Variants in PALLD observed in about 807,000 individuals in gnomAD.
PALLD encodes palladin, cytoskeletal associated protein, also known as palladin.
A neutral mutation model predicts 123.5 loss-of-function variants in PALLD; 61 were observed. The ratio of observed to expected loss-of-function variants is 0.49; its 90% CI spans 0.40 to 0.61. The LOEUF is 0.61. Among genes scored for constraint, PALLD ranks in the 20% least tolerant of loss-of-function variants. PALLD has a pLI of 0.00. For missense variants in PALLD, 1,273 were observed against 1,377.0 expected, an observed-to-expected ratio of 0.92 and a Z score of 1.20; for synonymous variants, 465 against 496.4, an observed-to-expected ratio of 0.94 and a Z score of 0.84.
intron 2 of PALLD, among the ~76,000 whole-genome samples, chr4:168,605,116 G>A (rs1258056698): frequency 1.3e-5 from 2 of 152,112 alleles, no homozygotes; most frequent in East Asian, 3.9e-4. Context: ...AGCTCCAAAT[G>A]TGATGTTTCT....
At position 168,543,058 on chromosome 4, in the gene PALLD, A is replaced by C. The variant is rs563118643; in HGVS notation, c.908+30646A>C. 1.2e-4 allele frequency among the ~76,000 whole-genome samples: 18 copies of C among 152,052 alleles called. No individual in the cohort carries two copies. In the East Asian group the frequency reaches 3.1e-3, roughly 26 times the overall value. ...ATGGACCTTAAATCCTCATGAGCTG[A>C]TACTGTCTCGTCTACTTTATGAGAA... On this transcript the variant is annotated intron_variant, in intron 2 of 21. Coordinates refer to ENST00000505667, the MANE Select transcript of PALLD (RefSeq NM_001166108.2).
chr4:168,784,351 G>GAAAGA (rs566001092), intron 10 of PALLD, among the ~76,000 whole-genome samples: 9 of 151,922 alleles, frequency 5.9e-5, no homozygotes, highest in South Asian at 2.1e-4. Flanking sequence ...GAGAGAGAGA[G>GAAAGA]AAAGAAAAGA....
At chr4:168,499,796 A>G (rs1761207009) in intron 1 of PALLD, among the ~76,000 whole-genome samples, 1 of 152,190 alleles carries the variant, frequency 6.6e-6, no homozygotes, top group Admixed American at 6.5e-5. Context: ...TGGACTCTCT[A>G]AAGAATCTGC....
At chr4:168,535,993 G>A (rs965005510) in intron 2 of PALLD, among the ~76,000 whole-genome samples, 3 of 152,198 alleles carry the variant, frequency 2.0e-5, no homozygotes, top group African/African-American at 7.2e-5. Context: ...GCCGGTTAGA[G>A]ACTTCACTGA....
intron 2 of PALLD, among the ~76,000 whole-genome samples, chr4:168,606,663 C>CAAAAAA (rs70961540): frequency 1.1e-5 from 1 of 92,100 alleles, no homozygotes; most frequent in Non-Finnish European, 2.2e-5. Context: ...GACTCCGTCT[C>CAAAAAA]AAAAAAAAAA....
intron 10 of PALLD, among the ~76,000 whole-genome samples, chr4:168,721,176 A>G (rs1233980744): frequency 6.6e-6 from 1 of 152,254 alleles, no homozygotes; most frequent in African/African-American, 2.4e-5. Context: ...GAAGGAATAC[A>G]TGATGATAAC....
chr4:168,647,004 A>C (rs534593467), intron 2 of PALLD, among the ~76,000 whole-genome samples: 3 of 152,358 alleles, frequency 2.0e-5, no homozygotes, highest in African/African-American at 7.2e-5. Context: ...ATATTATAAA[A>C]ACATGGCCTA....
chr4:168,722,486 A>G (rs1407077815), intron 10 of PALLD, among the ~76,000 whole-genome samples: 2 of 152,236 alleles, frequency 1.3e-5, no homozygotes, highest in Admixed American at 6.5e-5. Flanking sequence ...TAAGATTCCA[A>G]TTCAAATAAC....
chr4:168,638,833 G>A (rs565872171), intron 2 of PALLD, among the ~76,000 whole-genome samples: 5 of 151,942 alleles, frequency 3.3e-5, no homozygotes, highest in South Asian at 4.2e-4. Context: ...GAGGGGGGGC[G>A]GGCCATAAAC....
chr4:168,575,117 C>T (rs1017506369), intron 2 of PALLD, among the ~76,000 whole-genome samples: 9 of 152,084 alleles, frequency 5.9e-5, no homozygotes, highest in Non-Finnish European at 1.2e-4. Flanking sequence ...GAATCTGATT[C>T]GCTACAGCAA....
At chr4:168,796,468 T>A (rs1006753631) in intron 10 of PALLD, among the ~76,000 whole-genome samples, 5 of 152,216 alleles carry the variant, frequency 3.3e-5, no homozygotes, top group Non-Finnish European at 7.3e-5. Flanking sequence ...TCATCATGCA[T>A]TATTTGCACG....
Position 168,928,411 on chromosome 4 carries a change from C to CAAAT in PALLD, c.*2234_*2237dup, listed in dbSNP as rs1762827605. 1 of 180,140 alleles carries CAAAT rather than the reference C, an allele frequency of 5.6e-6. No homozygotes were observed. Among genetic ancestry groups the CAAAT allele is most frequent in the Non-Finnish European group, 1.2e-5 (1 of 84,010 alleles). The allele number at this position is 180,140 out of a possible 1,614,324, so 11.2% of individuals were successfully genotyped here. A position where few individuals can be genotyped will look rare whatever the true frequency, so the allele number is the denominator to read the frequency against. On this transcript the variant is annotated 3_prime_UTR_variant, in exon 22 of 22. Transcript: ENST00000505667. ...GGATTTAACATCAATAAATATTTGA[C>CAAAT]AAATAATAGTTGCAGTTTTGTGAAG...
chr4:168,830,979 CCATT>C (rs370735550), intron 10 of PALLD, among the ~76,000 whole-genome samples: 8 of 152,204 alleles, frequency 5.3e-5, no homozygotes, highest in Non-Finnish European at 8.8e-5. Context: ...GTAGATATTA[CCATT>C]CATTCATTCA....
chr4:168,697,662 G>A (rs1245211321), intron 8 of PALLD, among the ~76,000 whole-genome samples: 1 of 152,200 alleles, frequency 6.6e-6, no homozygotes, highest in Admixed American at 6.5e-5. Context: ...GCTTTGGTCA[G>A]TCCTGACATC....
At chr4:168,697,820 G>A (rs1341128100) in intron 8 of PALLD, among the ~76,000 whole-genome samples, 4 of 152,174 alleles carry the variant, frequency 2.6e-5, no homozygotes, top group African/African-American at 9.7e-5. Context: ...TGGAACACTA[G>A]GCATAAATGG....
intron 10 of PALLD, among the ~76,000 whole-genome samples, chr4:168,872,020 C>G (rs1751149476): frequency 6.6e-6 from 1 of 152,180 alleles, no homozygotes; most frequent in African/African-American, 2.4e-5. Flanking sequence ...TTATGAGAAA[C>G]AGTTCACATT....
intron 2 of PALLD, among the ~76,000 whole-genome samples, chr4:168,603,690 A>T (rs979768981): frequency 1.3e-5 from 2 of 152,130 alleles, no homozygotes; most frequent in Admixed American, 6.5e-5. Flanking sequence ...AAAATGAGGC[A>T]AGTAAGGTTC....
At chr4:168,631,845 AC>A (rs1775847745) in intron 2 of PALLD, 1 of 985,268 alleles carries the variant, frequency 1.0e-6, no homozygotes, top group African/African-American at 1.7e-5. Context: ...GATCTGAAAG[AC>A]CCCCAAGAGG....
Position 168,668,065 on chromosome 4 carries a change from G to GT in PALLD, c.909-115dup, listed in dbSNP as rs1038465804. On this transcript the variant is annotated intron_variant, in intron 2 of 21. Transcript: ENST00000505667. ...AGTTTCCATTAGTAACACTGACATT[G>GT]TTTTTTTTTTAATCAAACAAACATC... The GT allele has an allele frequency of 8.6e-3, 5,262 of 612,170 alleles. 1 individual carries two copies. Among genetic ancestry groups the GT allele is most frequent in the South Asian group, 9.8e-3 (496 of 50,382 alleles). The allele number at this position is 612,170 out of a possible 1,614,324, so 37.9% of individuals were successfully genotyped here.
Sources: allele counts gnomAD v4.1 joint callset (sites outside exome capture counted in the v4.1 genomes callset), GRCh38; gene constraint gnomAD v4.1.1; transcripts MANE v1.5; gene names NCBI Gene and HGNC (gene_info 2026-07-23, HGNC 2026-07-21).